SCLY: variants seen among roughly 807,000 people sequenced by gnomAD.
SCLY encodes putative selenocysteine lyase.
SCLY carries 38 observed loss-of-function variants against 50.1 expected under a neutral mutation model. The observed-to-expected ratio is 0.76, with a 90% CI of 0.59 to 0.99. The LOEUF (loss-of-function observed/expected upper bound fraction) is 0.99. SCLY is among the 50% of genes least tolerant of loss of function. The pLI is 0.00. For missense variants in SCLY, 600 were observed against 620.0 expected (o/e 0.97, Z 0.34); for synonymous variants, 243 against 249.4 (o/e 0.97, Z 0.24).
At chr2:238,062,406 A>ATT (rs11335455) in intron 1 of SCLY, among the ~76,000 whole-genome samples, 4 of 145,436 alleles carry the variant, frequency 2.8e-5, no homozygotes, top group Admixed American at 2.7e-4. Context: ...CTATTGAGTG[A>ATT]TTTTTTTTTT....
At chr2:238,082,469 G>A (rs1373878864) in intron 6 of SCLY, among the ~76,000 whole-genome samples, 2 of 152,218 alleles carry the variant, frequency 1.3e-5, no homozygotes, top group South Asian at 2.1e-4. Context: ...GACCAAGCTA[G>A]GGGAGGAGAC....
intron 2 of SCLY, chr2:238,065,185 C>T (rs1331054768): frequency 2.0e-5 from 3 of 152,222 alleles, no homozygotes; most frequent in African/African-American, 4.8e-5. Flanking sequence ...AGGTTTAATA[C>T]GTTCTCCTAT....
chr2:238,079,805 G>A (rs1033429081), intron 4 of SCLY: 4 of 152,100 alleles, frequency 2.6e-5, no homozygotes, highest in Admixed American at 6.5e-5. Flanking sequence ...AGCCTCTTAG[G>A]TATGTAGATT....
At chr2:238,091,528 A>T (rs2065361952) in intron 8 of SCLY, 1 of 466,944 alleles carries the variant, frequency 2.1e-6, no homozygotes, top group Non-Finnish European at 3.9e-6. Context: ...AGCAGAGGTG[A>T]AGTGTCAAGC....
At position 238,083,263 on chromosome 2, in the gene SCLY, A is replaced by T. The variant is rs1477926291; in HGVS notation, c.793A>T (p.Ile265Phe). The T allele has an allele frequency of 1.2e-6, 2 of 1,613,198 alleles. No homozygotes were observed. The highest frequency in any genetic ancestry group is 1.7e-6 in the Non-Finnish European group (2 of 1,179,202). ...IVGHKFYGPRIGALYIRGLGE... is the reference protein window; with the variant it reads ...IVGHKFYGPRFGALYIRGLGE... ...TTCCTTCCAGTTTTATGGTCCCAGG[A>T]TTGGCGCACTTTATATACGAGGACT... The change falls in exon 7 of 12, where the codon ATT becomes TTT. Residue 265 changes from isoleucine (I) to phenylalanine (F), a missense_variant. Coordinates refer to ENST00000254663, the MANE Select transcript of SCLY (RefSeq NM_016510.7). This position sits in a 1 kb window ranked among gnomAD's most constrained non-coding sequence, Gnocchi z 4.3.
At chr2:238,085,615 T>A (rs1377674257) in intron 7 of SCLY, among the ~76,000 whole-genome samples, 1 of 151,656 alleles carries the variant, frequency 6.6e-6, no homozygotes, top group Non-Finnish European at 1.5e-5. Context: ...TAGTCCCAGC[T>A]ACCCGGGAGG....
In SCLY at chr2:238,097,345, C is replaced by T. The variant is rs561334633; in HGVS notation, c.1184+469C>T. ...CCGGGTGAGCGGGTGGGCTGCCTGG[C>T]GGAGACTGTGGGGTAGAGGGCGTGG... On this transcript the variant is annotated intron_variant, in intron 11 of 11. Transcript: ENST00000254663. Among the ~76,000 whole-genome samples, 218 of 151,652 alleles carry T rather than the reference C, an allele frequency of 1.4e-3. 1 individual carries two copies. The highest frequency in any genetic ancestry group is 0.01 in the Admixed American group (153 of 15,234).
intron 8 of SCLY, chr2:238,091,554 C>CG: frequency 2.9e-6 from 1 of 349,694 alleles, no homozygotes; most frequent in South Asian, 3.4e-5. Context: ...GTTCACCATT[C>CG]CCAAAGGCGT....
At chr2:238,085,483 C>CCGAGGTGAGCGGATCA (rs1438178360) in intron 7 of SCLY, among the ~76,000 whole-genome samples, 1 of 151,332 alleles carries the variant, frequency 6.6e-6, no homozygotes, top group African/African-American at 2.4e-5. Flanking sequence ...CTTTGGGAGG[C>CCGAGGTGAGCGGATCA]CGAGGTGAGC....
At chr2:238,063,597 G>A (rs143916444) in intron 1 of SCLY, among the ~76,000 whole-genome samples, 46 of 152,352 alleles carry the variant, frequency 3.0e-4, no homozygotes, top group Middle Eastern at 6.8e-3. Flanking sequence ...ACCTAAAAAA[G>A]TAAGGTGGGG....
intron 4 of SCLY, among the ~76,000 whole-genome samples, chr2:238,076,743 G>A (rs1233056967): frequency 1.4e-5 from 2 of 143,636 alleles, no homozygotes; most frequent in African/African-American, 5.2e-5. Flanking sequence ...AAAAAAGAGT[G>A]TATTGTTTAA....
In SCLY at chr2:238,069,495, G is replaced by T. The variant is rs1321860894; in HGVS notation, c.484+18G>T. On this transcript the variant is annotated intron_variant, in intron 4 of 11. Transcript: ENST00000254663. The surrounding 1 kb of genome is among the most constrained non-coding windows in gnomAD (Gnocchi z 5.0). ...AGTGGCAGGTGAGTGAGTGCAGGGT[G>T]GCCCTGGGACCAGCCTGCTGAGCTC... The T allele has an allele frequency of 1.3e-6, 2 of 1,593,472 alleles. No individual in the cohort carries two copies. Among genetic ancestry groups the T allele is most frequent in the South Asian group, 1.1e-5 (1 of 89,116 alleles).
intron 3 of SCLY, chr2:238,068,373 A>T (rs2065095458): frequency 2.6e-6 from 1 of 386,230 alleles, no homozygotes; most frequent in Admixed American, 4.7e-5. Flanking sequence ...ACATAGGGAA[A>T]GTCCATCTCT....
At position 238,082,182 on chromosome 2, in the gene SCLY, G is replaced by T; in HGVS notation, c.750G>T (p.Val250=). The T allele has an allele frequency of 1.2e-6, 2 of 1,610,754 alleles. No individual in the cohort carries two copies. The highest frequency in any genetic ancestry group is 1.7e-6 in the Non-Finnish European group (2 of 1,178,960). The part of the protein sequence containing the change: ...KQRVDVEDLG[V]DFLTIVGHKF... ...GCGTGGATGTGGAGGACCTGGGCGT[G>T]GACTTCCTTACAATCGTGGGGCACA... The change falls in exon 6 of 12, where the codon GTG becomes GTT. Residue 250 remains valine, a synonymous_variant. Transcript: ENST00000254663.
chr2:238,080,211 A>C (rs902638278), intron 4 of SCLY: 1 of 152,080 alleles, frequency 6.6e-6, no homozygotes, highest in African/African-American at 2.4e-5. Flanking sequence ...TTATCTCTTT[A>C]AGTACAGTCA....
chr2:238,091,551 A>ACCGAGATCTACAC, intron 8 of SCLY: 3 of 404,500 alleles, frequency 7.4e-6, no homozygotes, highest in South Asian at 2.6e-5. Flanking sequence ...CAGGTTCACC[A>ACCGAGATCTACAC]TTCCCAAAGG....
chr2:238,082,103 G>A lies in SCLY; in HGVS notation c.671G>A (p.Gly224Glu), dbSNP rs1181011788. The change falls in exon 6 of 12, where the codon GGG becomes GAG. Residue 224 changes from glycine to glutamate, a missense_variant. Transcript: ENST00000254663. ...KALNQERVAAGLPPILVHTDA... is the reference protein window; with the variant it reads ...KALNQERVAAELPPILVHTDA... ...CTGAACCAGGAACGGGTGGCAGCTG[G>A]GCTACCTCCCATCCTCGTGCACACG... The A allele has an allele frequency of 1.2e-6, 2 of 1,613,542 alleles. No individual in the cohort carries two copies. Among genetic ancestry groups the A allele is most frequent in the African/African-American group, 2.7e-5 (2 of 74,904 alleles).
At chr2:238,086,572 A>C (rs1381837866) in intron 7 of SCLY, among the ~76,000 whole-genome samples, 1 of 151,734 alleles carries the variant, frequency 6.6e-6, no homozygotes, top group Non-Finnish European at 1.5e-5. Flanking sequence ...CCGACATGGC[A>C]GTGCGTGCCT....
intron 4 of SCLY, among the ~76,000 whole-genome samples, chr2:238,075,112 T>C (rs187272170): frequency 4.6e-5 from 7 of 152,346 alleles, no homozygotes; most frequent in Admixed American, 2.6e-4. Context: ...TGGGTGTTTT[T>C]ATCATGAAAG....
Sources: gnomAD v4.1 joint callset for allele counts (sites outside exome capture counted in the v4.1 genomes callset) on GRCh38, gnomAD v4.1.1 for gene constraint, Gnocchi (gnomAD v3.1) non-coding constraint, MANE v1.5 for transcripts, NCBI Gene and HGNC (gene_info 2026-07-23, HGNC 2026-07-21) for gene names.